Variants in TBC1D9 observed in about 807,000 individuals in gnomAD.
TBC1D9 encodes the protein TBC1 domain family member 9A.
A neutral mutation model predicts 132.0 loss-of-function variants in TBC1D9; 63 were observed. The observed-to-expected ratio is 0.48, with a 90% CI of 0.39 to 0.59. The LOEUF (loss-of-function observed/expected upper bound fraction) is 0.59. Among genes scored for constraint, TBC1D9 ranks in the 20% least tolerant of loss-of-function variants. TBC1D9 has a pLI of 0.00. For missense variants in TBC1D9, 1,261 were observed against 1,592.7 expected (o/e 0.79, Z 3.54); for synonymous variants, 610 against 609.9 (o/e 1.00, Z 0.00).
At chr4:140,678,606 T>C (rs926856534) in intron 5 of TBC1D9, among the ~76,000 whole-genome samples, 3 of 152,162 alleles carry the variant, frequency 2.0e-5, no homozygotes, top group African/African-American at 7.2e-5. Context: ...GTAACTTCTA[T>C]CACCTCTTCA....
At chr4:140,652,729 C>A (rs1289313537) in intron 13 of TBC1D9, among the ~76,000 whole-genome samples, 2 of 152,184 alleles carry the variant, frequency 1.3e-5, no homozygotes, top group Admixed American at 6.5e-5. Context: ...GCACCCAGCA[C>A]CTTGCCCCAC....
chr4:140,730,324 C>T (rs1251386524), intron 1 of TBC1D9, among the ~76,000 whole-genome samples: 1 of 152,200 alleles, frequency 6.6e-6, no homozygotes, highest in African/African-American at 2.4e-5. Context: ...AAAAAGCCCT[C>T]TGCCTTACAT....
intron 13 of TBC1D9, among the ~76,000 whole-genome samples, chr4:140,652,670 T>C (rs1183309400): frequency 6.6e-6 from 1 of 152,216 alleles, no homozygotes; most frequent in Non-Finnish European, 1.5e-5. Flanking sequence ...TTAACTTACA[T>C]TTTCACCTTA....
chr4:140,659,011 T>C (rs1324291085), intron 11 of TBC1D9, among the ~76,000 whole-genome samples: 1 of 152,170 alleles, frequency 6.6e-6, no homozygotes, highest in Non-Finnish European at 1.5e-5. Context: ...GTGAGAAGCA[T>C]AAACAATATA....
At chr4:140,704,352 G>C (rs1738117389) in intron 1 of TBC1D9, among the ~76,000 whole-genome samples, 1 of 149,012 alleles carries the variant, frequency 6.7e-6, no homozygotes, top group Non-Finnish European at 1.5e-5. Flanking sequence ...AGTGAGCTGA[G>C]ATCATGCCAC....
At position 140,657,850 on chromosome 4, in the gene TBC1D9, C is replaced by A. The variant is rs1737296587; in HGVS notation, c.1922-38G>T. ...TGTATACAAAAAGGCGCAGCTTAGC[C>A]AACTACACAGTGTAACTAAAGAATC... On this transcript the variant is annotated intron_variant, in intron 11 of 20. Transcript: ENST00000442267. 2.5e-6 allele frequency: 4 copies of A among 1,578,458 alleles called. No homozygotes were observed. The African/African-American group carries it at 5.4e-5, about 21-fold the overall frequency.
In TBC1D9 at chr4:140,659,302, C is replaced by T. The variant is rs148265230; in HGVS notation, c.1921+286G>A. 32 of 238,930 alleles carry T rather than the reference C, an allele frequency of 1.3e-4. No individual in the cohort carries two copies. In the East Asian group the frequency reaches 1.9e-3, roughly 14 times the overall value. The allele number at this position is 238,930 out of a possible 1,614,324, so 14.8% of individuals were successfully genotyped here. Reference sequence around the variant, plus strand: ...ATCAAATCTCTTTGTGTTAATGGTGCACATACCTGGTGTAGCTCTCACATG... The same window carrying T: ...ATCAAATCTCTTTGTGTTAATGGTGTACATACCTGGTGTAGCTCTCACATG... On this transcript the variant is annotated intron_variant, in intron 11 of 20. Transcript: ENST00000442267.
intron 6 of TBC1D9, among the ~76,000 whole-genome samples, chr4:140,672,701 A>G (rs891657841): frequency 6.6e-6 from 1 of 152,232 alleles, no homozygotes; most frequent in African/African-American, 2.4e-5. Context: ...GAGTTCTAGC[A>G]GAACTCTATC....
At chr4:140,733,843 A>C (rs1416328764) in intron 1 of TBC1D9, among the ~76,000 whole-genome samples, 2 of 152,208 alleles carry the variant, frequency 1.3e-5, no homozygotes, top group East Asian at 3.8e-4. Context: ...AAAAAAACAA[A>C]TGGGCTGACA....
chr4:140,678,046 T>G (rs1737651761), intron 5 of TBC1D9, among the ~76,000 whole-genome samples: 2 of 152,180 alleles, frequency 1.3e-5, no homozygotes, highest in African/African-American at 4.8e-5. Context: ...TCCCCTCCTT[T>G]ACCACTGAAT....
chr4:140,624,477 C>A, intron 18 of TBC1D9, 89 bp from the exon 19 acceptor site: 1 of 1,153,390 alleles, frequency 8.7e-7, no homozygotes, highest in South Asian at 1.4e-5. Context: ...AGAAGACTCT[C>A]TAAGTAGGGT....
intron 16 of TBC1D9, among the ~76,000 whole-genome samples, chr4:140,631,301 C>T (rs1736791727): frequency 6.6e-6 from 1 of 152,156 alleles, no homozygotes; most frequent in African/African-American, 2.4e-5. Flanking sequence ...CGGCTCACTG[C>T]AACCTCTGCC....
chr4:140,669,774 A>G lies in TBC1D9; in HGVS notation c.1297T>C (p.Ser433Pro), dbSNP rs769515705. Residue 433 changes from serine to proline, a missense_variant, in exon 8 of 21, where the codon TCC becomes CCC. This residue lies in a region of TBC1D9 where 550 missense variants were observed against 699.0 expected (regional missense o/e 0.79). Transcript: ENST00000442267. ...VYSRPSSLVS[S>P]SPQRSTSSDA... is the part of the protein sequence containing the mutation. ...GAGCTCGTGCTTCTCTGGGGGCTGG[A>G]GGAGACGAGGCTGCTGGGTCGAGAG... 6.2e-7 allele frequency: 1 copy of G among 1,613,762 alleles called. No individual in the cohort carries two copies. The highest frequency in any genetic ancestry group is 1.3e-5 in the African/African-American group (1 of 74,920).
At chr4:140,743,382 A>G (rs921656384) in intron 1 of TBC1D9, among the ~76,000 whole-genome samples, 1 of 152,232 alleles carries the variant, frequency 6.6e-6, no homozygotes, top group Non-Finnish European at 1.5e-5. Flanking sequence ...CAGATTCTTC[A>G]TAACGGGTGC....
intron 15 of TBC1D9, among the ~76,000 whole-genome samples, chr4:140,634,746 C>A (rs1396542812): frequency 2.0e-5 from 3 of 152,176 alleles, no homozygotes; most frequent in Non-Finnish European, 4.4e-5. Flanking sequence ...TGCTTCCCTG[C>A]TCACCAAAAT....
Position 140,669,873 on chromosome 4 carries a change from C to T in TBC1D9, c.1267-69G>A, listed in dbSNP as rs1474791063. 2.1e-6 allele frequency: 3 copies of T among 1,419,374 alleles called. No homozygotes were observed. The East Asian group carries it at 6.9e-5, about 33-fold the overall frequency. The allele number at this position is 1,419,374 out of a possible 1,614,324, so 87.9% of individuals were successfully genotyped here. Reference sequence around the variant, plus strand: ...ATAGAACCTACTTCTTCAGTGTCTTCTGTATGGTTATCAAAAGCTACATCA... The same window carrying T: ...ATAGAACCTACTTCTTCAGTGTCTTTTGTATGGTTATCAAAAGCTACATCA... On this transcript the variant is annotated intron_variant, in intron 7 of 20. Coordinates refer to ENST00000442267, the MANE Select transcript of TBC1D9 (RefSeq NM_015130.3).
In TBC1D9 at chr4:140,622,014, A is replaced by G. The variant is rs1323554404; in HGVS notation, c.*181T>C. On this transcript the variant is annotated 3_prime_UTR_variant, in exon 21 of 21. Coordinates refer to ENST00000442267, the MANE Select transcript of TBC1D9 (RefSeq NM_015130.3). ...CGCAACAAGAGTGTAATGTACCTAC[A>G]TTGAGGTGTTTAAATATTTCTCCAA... is the stretch of plus-strand genomic sequence containing the variant. 1.2e-6 allele frequency: 1 copy of G among 823,080 alleles called. No individual in the cohort carries two copies. The highest frequency in any genetic ancestry group is 1.7e-5 in the African/African-American group (1 of 58,602). The allele number at this position is 823,080 out of a possible 1,614,324, so 51.0% of individuals were successfully genotyped here. A position where few individuals can be genotyped will look rare whatever the true frequency, so the allele number is the denominator to read the frequency against.
chr4:140,667,248 C>T (rs367690705), intron 9 of TBC1D9, among the ~76,000 whole-genome samples: 51 of 152,120 alleles, frequency 3.4e-4, no homozygotes, highest in East Asian at 5.8e-4. Context: ...GACCACCCTG[C>T]GGTCTCACAT....
At chr4:140,638,316 A>AT (rs910074488) in intron 15 of TBC1D9, among the ~76,000 whole-genome samples, 3 of 152,126 alleles carry the variant, frequency 2.0e-5, no homozygotes, top group African/African-American at 7.2e-5. Flanking sequence ...TGACAAAAAT[A>AT]TTTTTTTCCA....
Sources: allele counts gnomAD v4.1 joint callset (sites outside exome capture counted in the v4.1 genomes callset), GRCh38; gene constraint gnomAD v4.1.1; regional missense constraint gnomAD v4.1.1; transcripts MANE v1.5; gene names NCBI Gene and HGNC (gene_info 2026-07-23, HGNC 2026-07-21).